ATM: variants seen among roughly 807,000 people sequenced by gnomAD.
The protein encoded by ATM is serine-protein kinase ATM.
A neutral mutation model predicts 387.0 loss-of-function variants in ATM; 308 were observed. That is an observed-to-expected ratio of 0.80 (90% CI 0.73 to 0.87). The LOEUF (loss-of-function observed/expected upper bound fraction) is 0.87. ATM is among the 40% of genes least tolerant of loss of function. The pLI is 0.00. For missense variants in ATM, 3,312 were observed against 3,560.9 expected, an observed-to-expected ratio of 0.93 and a Z score of 1.78; for synonymous variants, 1,156 against 1,187.3, an observed-to-expected ratio of 0.97 and a Z score of 0.54.
At chr11:108,255,680 C>A (rs941889797) in intron 13 of ATM, among the ~76,000 whole-genome samples, 3 of 152,256 alleles carry the variant, frequency 2.0e-5, no homozygotes, top group African/African-American at 7.2e-5. Context: ...CCCGCCTCGG[C>A]CTCCCAAAGT....
chr11:108,261,017 C>T (rs2080841167), intron 16 of ATM, among the ~76,000 whole-genome samples: 2 of 152,182 alleles, frequency 1.3e-5, no homozygotes, highest in African/African-American at 4.8e-5. Context: ...ATTGCTAGCA[C>T]AGCAGTCTGA....
chr11:108,356,809 T>G (rs1260661129), intron 61 of ATM, among the ~76,000 whole-genome samples: 2 of 152,158 alleles, frequency 1.3e-5, no homozygotes, highest in East Asian at 3.9e-4. Context: ...ATGAGAGAAG[T>G]GACAGTGGCC....
At position 108,353,410 on chromosome 11, in the gene ATM, G is replaced by A. The variant is rs577721258; in HGVS notation, c.8672-356G>A. Among the ~76,000 whole-genome samples, 4 of 152,150 alleles carry A rather than the reference G, an allele frequency of 2.6e-5. No individual in the cohort carries two copies. The East Asian group carries it at 7.7e-4, about 29-fold the overall frequency. On this transcript the variant is annotated intron_variant, in intron 59 of 62. Coordinates refer to ENST00000675843, the MANE Select transcript of ATM (RefSeq NM_000051.4). ...GGTGTCAGGCCTCCTCAGCCTCAAG[G>A]TGCTGGGATTACAGGCGGGAGCCAC...
At chr11:108,240,867 GCTA>G (rs1000470382) in intron 5 of ATM, among the ~76,000 whole-genome samples, 1 of 152,080 alleles carries the variant, frequency 6.6e-6, no homozygotes, top group Non-Finnish European at 1.5e-5. Context: ...AGTAACATTA[GCTA>G]CTATAACTTT....
intron 47 of ATM, among the ~76,000 whole-genome samples, chr11:108,326,470 T>G (rs2085697515): frequency 6.6e-6 from 1 of 152,154 alleles, no homozygotes; most frequent in East Asian, 1.9e-4. Flanking sequence ...TATTAAGCCT[T>G]TAACTTCCTA....
At chr11:108,249,744 G>A (rs2080035678) in intron 9 of ATM, among the ~76,000 whole-genome samples, 3 of 152,158 alleles carry the variant, frequency 2.0e-5, no homozygotes, top group Admixed American at 2.0e-4. Flanking sequence ...AGTCAAACTC[G>A]TGATCAGTGC....
At chr11:108,337,550 T>A (rs2086982454) in intron 56 of ATM, among the ~76,000 whole-genome samples, 1 of 152,214 alleles carries the variant, frequency 6.6e-6, no homozygotes, top group Admixed American at 6.5e-5. Context: ...AACCTGTGAA[T>A]GTGCGTTTCT....
chr11:108,313,008 C>T (rs1258580143), intron 40 of ATM, among the ~76,000 whole-genome samples: 1 of 152,196 alleles, frequency 6.6e-6, no homozygotes, highest in Non-Finnish European at 1.5e-5. Context: ...ATCTTCTCTT[C>T]TATGCCGCTG....
rs910501639 is a variant in ATM, at chr11:108,251,854, T to G, written c.1625T>G (p.Leu542Trp). The change falls in exon 11 of 63, where the codon TTG (leucine) becomes TGG (tryptophan). Residue 542 changes from leucine to tryptophan, a missense_variant. Physicochemically the swap from Leu to Trp is moderately conservative, Grantham distance 61. This residue lies in a region of ATM where 1,791 missense variants were observed against 1,804.5 expected (regional missense o/e 0.99). Coordinates refer to ENST00000675843, the MANE Select transcript of ATM (RefSeq NM_000051.4). ...TGTTATAGTCCTGCAGTATGCTGTT[T>G]GACTTTGGCACTGACCACCAGTATA... ...CRPSCPAVCC[L>W]TLALTTSIVP... 1 of 1,613,750 alleles carries G rather than the reference T, an allele frequency of 6.2e-7. No homozygotes were observed. Among genetic ancestry groups the G allele is most frequent in the Non-Finnish European group, 8.5e-7 (1 of 1,179,830 alleles).
chr11:108,322,239 C>G (rs559627023), intron 45 of ATM, among the ~76,000 whole-genome samples: 3 of 152,076 alleles, frequency 2.0e-5, no homozygotes, highest in African/African-American at 7.2e-5. Context: ...ACTGCAGTCT[C>G]CACCTCCCAG....
chr11:108,271,749 A>C (rs969152578), intron 20 of ATM, among the ~76,000 whole-genome samples: 1 of 152,246 alleles, frequency 6.6e-6, no homozygotes, highest in Non-Finnish European at 1.5e-5. Context: ...TGGTTATTTT[A>C]TGCATATTGT....
intron 48 of ATM, among the ~76,000 whole-genome samples, chr11:108,328,215 G>C (rs1394196222): frequency 6.6e-6 from 1 of 152,116 alleles, no homozygotes; most frequent in Non-Finnish European, 1.5e-5. Context: ...CTAAATAAGT[G>C]TAACATGAAA....
chr11:108,322,241 AC>A (rs2085288945), intron 45 of ATM, among the ~76,000 whole-genome samples: 1 of 151,484 alleles, frequency 6.6e-6, no homozygotes, highest in South Asian at 2.1e-4. Flanking sequence ...TGCAGTCTCC[AC>A]CTCCCAGGTT....
intron 24 of ATM, 102 bp downstream of exon 24, chr11:108,281,270 G>A (rs2082218553): frequency 5.8e-6 from 7 of 1,204,470 alleles, no homozygotes; most frequent in Non-Finnish European, 8.4e-6. Flanking sequence ...TTTAAGACTA[G>A]GAAACAATTT....
chr11:108,297,133 C>A, intron 32 of ATM, 154 bp from the exon 33 acceptor site: 1 of 618,520 alleles, frequency 1.6e-6, no homozygotes, highest in Non-Finnish European at 2.8e-6. Context: ...AGTTCAGATT[C>A]ATTCCCTACA....
Position 108,326,077 on chromosome 11 carries a change from T to A in ATM, c.6827T>A (p.Phe2276Tyr), listed in dbSNP as rs753389616. Residue 2276 changes from phenylalanine to tyrosine, a missense_variant, in exon 47 of 63, where the codon TTT (phenylalanine) becomes TAT (tyrosine). Around this residue, in one of 4 missense-constraint regions of ATM, gnomAD observed 1,405 missense variants for 1,604.4 expected, o/e 0.88. Transcript: ENST00000675843. ...KNTQLPERAI[F>Y]QIKQYNSVSC... is the part of the protein sequence containing the mutation. ...TTTCAGCTCCCTGAAAGGGCAATAT[T>A]TCAAATTAAACAGTACAATTCAGTT... The A allele has an allele frequency of 6.2e-7, 1 of 1,614,126 alleles. No homozygotes were observed. Among genetic ancestry groups the A allele is most frequent in the Non-Finnish European group, 8.5e-7 (1 of 1,180,002 alleles).
chr11:108,251,415 G>A (rs1008037178), intron 10 of ATM, among the ~76,000 whole-genome samples: 19 of 152,050 alleles, frequency 1.2e-4, no homozygotes, highest in African/African-American at 2.4e-4. Flanking sequence ...AGCACCCTAC[G>A]TATCTTTTCT....
Position 108,249,023 on chromosome 11 carries a change from A to C in ATM, c.1156A>C (p.Arg386=). 6.2e-7 allele frequency: 1 copy of C among 1,614,094 alleles called. No individual in the cohort carries two copies. The highest frequency in any genetic ancestry group is 2.2e-5 in the East Asian group (1 of 44,864). ...TAGTGATTACAGTGTCCCTTGCAAA[A>C]GGAAGAAAATAGAACTAGGCTGGGA... ...ESSDYSVPCK[R]KKIELGWEVI... Residue 386 remains arginine (R), a synonymous_variant, in exon 9 of 63, where the codon AGG becomes CGG. Coordinates refer to ENST00000675843, the MANE Select transcript of ATM (RefSeq NM_000051.4).
intron 5 of ATM, among the ~76,000 whole-genome samples, chr11:108,242,058 A>C (rs1199902697): frequency 6.6e-6 from 1 of 151,944 alleles, no homozygotes; most frequent in African/African-American, 2.4e-5. Context: ...CTGAAGTGGG[A>C]GGATCACTTG....
Sources: allele counts gnomAD v4.1 joint callset (sites outside exome capture counted in the v4.1 genomes callset), GRCh38; gene constraint gnomAD v4.1.1; regional missense constraint gnomAD v4.1.1; transcripts MANE v1.5; gene names NCBI Gene and HGNC (gene_info 2026-07-23, HGNC 2026-07-21).